The following FAM156A variants were observed in gnomAD, a reference collection of about 807,000 sequenced individuals.
FAM156A encodes protein FAM156A/FAM156B.
intron 1 of FAM156A, among the ~76,000 whole-genome samples, chrX:52,977,471 C>A (rs1293965600): frequency 2.7e-5 from 3 of 111,603 alleles, no homozygotes; most frequent in African/African-American, 9.8e-5. Flanking sequence ...GGTCTCACTC[C>A]CATTGCCCAG....
intron 1 of FAM156A, among the ~76,000 whole-genome samples, chrX:52,983,149 A>T (rs1159664908): frequency 8.9e-6 from 1 of 112,454 alleles, no homozygotes; most frequent in Non-Finnish European, 1.9e-5. Context: ...GGTACTCGTG[A>T]GGCTGAGATG....
chrX:52,990,114 A>C (rs1209962462), intron 1 of FAM156A, among the ~76,000 whole-genome samples: 1 of 110,639 alleles, frequency 9.0e-6, no homozygotes, highest in Non-Finnish European at 1.9e-5. Flanking sequence ...AGAGACACCC[A>C]GCCTGGAGCT....
chrX:52,978,889 T>G (rs782571965), intron 1 of FAM156A, among the ~76,000 whole-genome samples: 1 of 112,291 alleles, frequency 8.9e-6, no homozygotes, highest in African/African-American at 3.2e-5. Context: ...ACTATTCTCC[T>G]GCTCTAGTAT....
Position 52,993,742 on chromosome X carries a change from C to T in FAM156A, c.-434+1564G>A, listed in dbSNP as rs186805429. Among the ~76,000 whole-genome samples, 459 of 111,605 alleles carry T rather than the reference C, an allele frequency of 4.1e-3. 2 individuals are homozygous for T. Among genetic ancestry groups the T allele is most frequent in the African/African-American group, 0.014 (439 of 30,689 alleles). ...GTCTTAACTTTCTACGTAGCACTTACCACACTGTGATGTGCTATATATTTA... is the reference window on the plus strand; with the variant it reads ...GTCTTAACTTTCTACGTAGCACTTATCACACTGTGATGTGCTATATATTTA... On this transcript the variant is annotated intron_variant, in intron 1 of 4. Transcript: ENST00000610625.
intron 1 of FAM156A, among the ~76,000 whole-genome samples, chrX:52,974,159 C>T (rs1556791483): frequency 1.8e-5 from 2 of 111,429 alleles, no homozygotes; most frequent in African/African-American, 6.5e-5. Context: ...AATTGACTGT[C>T]AAATAGTAAC....
chrX:52,982,394 T>C (rs1219197368), intron 1 of FAM156A, among the ~76,000 whole-genome samples: 2 of 111,649 alleles, frequency 1.8e-5, no homozygotes, highest in Non-Finnish European at 3.8e-5. Flanking sequence ...GCGGAGGTTA[T>C]AGTGAACCAA....
At chrX:52,983,847 C>G (rs907664417) in intron 1 of FAM156A, among the ~76,000 whole-genome samples, 9 of 112,685 alleles carry the variant, frequency 8.0e-5, no homozygotes, top group Non-Finnish European at 1.7e-4. Flanking sequence ...TCACAAGAGA[C>G]AACAGCTAGC....
At chrX:52,977,085 TATACAC>T (rs782759726) in intron 1 of FAM156A, among the ~76,000 whole-genome samples, 6 of 97,274 alleles carry the variant, frequency 6.2e-5, no homozygotes, top group African/African-American at 2.2e-4. Flanking sequence ...TATACATATA[TATACAC>T]ACACACACAC....
intron 1 of FAM156A, among the ~76,000 whole-genome samples, chrX:52,988,212 C>T (rs1328539604): frequency 9.4e-6 from 1 of 106,167 alleles, no homozygotes; most frequent in Non-Finnish European, 1.9e-5. Flanking sequence ...CGCCACTGCA[C>T]TCCAGCCTGG....
At chrX:52,988,810 T>C (rs1930489424) in intron 1 of FAM156A, among the ~76,000 whole-genome samples, 1 of 112,315 alleles carries the variant, frequency 8.9e-6, no homozygotes, top group Admixed American at 9.4e-5. Context: ...CAGTAATTCA[T>C]AGTGTGAATC....
intron 1 of FAM156A, among the ~76,000 whole-genome samples, chrX:52,982,658 G>T (rs782412158): frequency 9.1e-6 from 1 of 110,314 alleles, no homozygotes; most frequent in South Asian, 3.8e-4. Context: ...CCGTCCTCTA[G>T]ATCTTTTCTC....
chrX:52,974,574 G>A (rs1487236085), intron 1 of FAM156A, among the ~76,000 whole-genome samples: 19 of 111,442 alleles, frequency 1.7e-4, no homozygotes, highest in Admixed American at 8.6e-4. Context: ...CCTGGGCAGA[G>A]AAAAGTGACT....
intron 1 of FAM156A, among the ~76,000 whole-genome samples, chrX:52,985,593 A>C (rs1490243966): frequency 8.9e-6 from 1 of 111,832 alleles, no homozygotes; most frequent in African/African-American, 3.2e-5. Context: ...AAGAACAGAC[A>C]AAATCAATGG....
chrX:52,986,734 C>A (rs965267939), intron 1 of FAM156A, among the ~76,000 whole-genome samples: 1 of 111,127 alleles, frequency 9.0e-6, no homozygotes, highest in African/African-American at 3.3e-5. Flanking sequence ...CTAAAAAAAT[C>A]CTACACCTTA....
intron 1 of FAM156A, among the ~76,000 whole-genome samples, chrX:52,974,414 G>A (rs1308724428): frequency 1.8e-5 from 2 of 111,695 alleles, no homozygotes; most frequent in African/African-American, 3.3e-5. Flanking sequence ...TTTATTGTAT[G>A]TCCCAGACAC....
chrX:52,994,306 C>T (rs186228710), intron 1 of FAM156A, among the ~76,000 whole-genome samples: 166 of 109,726 alleles, frequency 1.5e-3, no homozygotes, highest in African/African-American at 5.2e-3. Context: ...CCAAAGTTCT[C>T]ACTCCTGGGA....
At chrX:52,986,757 T>C (rs1930323479) in intron 1 of FAM156A, among the ~76,000 whole-genome samples, 1 of 111,653 alleles carries the variant, frequency 9.0e-6, no homozygotes, top group Non-Finnish European at 1.9e-5. Context: ...TTATACTTAA[T>C]AAAGACTAAC....
intron 1 of FAM156A, among the ~76,000 whole-genome samples, chrX:52,980,874 GC>G (rs1653721766): frequency 2.2e-5 from 2 of 91,270 alleles, no homozygotes; most frequent in African/African-American, 8.0e-5. Context: ...AGAGAGAGAG[GC>G]TGTGGGGGCT....
intron 1 of FAM156A, among the ~76,000 whole-genome samples, chrX:52,994,926 G>T (rs1284329988): frequency 1.8e-5 from 2 of 111,274 alleles, no homozygotes; most frequent in African/African-American, 6.5e-5. Context: ...GCTGCAGTGA[G>T]CCATGATCAG....
Sources: gnomAD v4.1 joint callset for allele counts (sites outside exome capture counted in the v4.1 genomes callset) on GRCh38, gnomAD v4.1.1 for gene constraint, MANE v1.5 for transcripts, NCBI Gene and HGNC (gene_info 2026-07-23, HGNC 2026-07-21) for gene names.